The following EVL variants were observed in gnomAD, a reference collection of about 807,000 sequenced individuals.
EVL encodes the protein ena/VASP-like protein.
EVL carries 21 observed loss-of-function variants against 59.6 expected under a neutral mutation model. The observed-to-expected ratio is 0.35, with a 90% CI of 0.25 to 0.51. The LOEUF (loss-of-function observed/expected upper bound fraction) is 0.51, where lower values mean the gene tolerates loss of function less well. Among genes scored for constraint, EVL ranks in the 20% least tolerant of loss-of-function variants. EVL has a pLI of 0.97. For synonymous variants in EVL, 198 were observed against 203.5 expected (o/e 0.97, Z 0.23); for missense variants, 462 against 546.6 (o/e 0.85, Z 1.54).
At chr14:100,097,444 T>C in intron 2 of EVL, 37 bp from the exon 3 acceptor site, 1 of 1,566,464 alleles carries the variant, frequency 6.4e-7, no homozygotes, top group Non-Finnish European at 8.7e-7. Flanking sequence ...TTACATTTTA[T>C]TTATTTACAC....
At chr14:100,057,999 C>T (rs1482837245) in intron 1 of EVL, among the ~76,000 whole-genome samples, 1 of 152,154 alleles carries the variant, frequency 6.6e-6, no homozygotes. Context: ...CATTATTATA[C>T]AAACATAATT....
chr14:99,981,904 G>A (rs1196548193), intron 1 of EVL, among the ~76,000 whole-genome samples: 1 of 152,210 alleles, frequency 6.6e-6, no homozygotes, highest in Non-Finnish European at 1.5e-5. Context: ...ATGAAACGAG[G>A]TCTGTCTGGA....
chr14:100,043,275 ATGTGTGTGTGTATATATATGTGTG>A (rs1431773489), intron 1 of EVL, among the ~76,000 whole-genome samples: 3 of 148,772 alleles, frequency 2.0e-5, no homozygotes, highest in Non-Finnish European at 4.5e-5. Flanking sequence ...GTATATATAT[ATGTGTGTGTGTATATATATGTGTG>A]TGTGTGTGTG....
rs1886816911 is a variant in EVL, at chr14:100,109,584, C to T, written c.358+11926C>T. ...GTGTGCCTCTCATAGCCTGGCACTT[C>T]CTGCCATTGCATCCTTCTCTGCAGA... On this transcript the variant is annotated intron_variant, in intron 3 of 13. Coordinates refer to ENST00000392920, the MANE Select transcript of EVL (RefSeq NM_016337.3). The surrounding 1 kb of genome is among the most constrained non-coding windows in gnomAD (Gnocchi z 4.3). 1 of 486,124 alleles carries T rather than the reference C, an allele frequency of 2.1e-6. No homozygotes were observed. The highest frequency in any genetic ancestry group is 1.5e-5 in the South Asian group (1 of 65,916). 30.1% of individuals were successfully genotyped at this position (486,124 alleles called of 1,614,324 possible).
chr14:100,074,017 CG>C (rs1367286743), intron 1 of EVL, among the ~76,000 whole-genome samples: 1 of 103,436 alleles, frequency 9.7e-6, no homozygotes, highest in Non-Finnish European at 1.9e-5. Context: ...GCGGTGGGGG[CG>C]GGGGGTCGGG....
rs76933596 is a variant in EVL, at chr14:99,972,763, C to T, written c.5+706C>T. Among the ~76,000 whole-genome samples, 1,079 of 152,222 alleles carry T rather than the reference C, an allele frequency of 7.1e-3. 14 individuals are homozygous for T. The highest frequency in any genetic ancestry group is 0.024 in the African/African-American group (979 of 41,542). On this transcript the variant is annotated intron_variant, in intron 1 of 13. Coordinates refer to the EVL transcript ENST00000402714. This position sits in a 1 kb window ranked among gnomAD's most constrained non-coding sequence, Gnocchi z 4.4. ...TCTCCCAGTCGCTAAACCCTCCCTT[C>T]CTCTCCAGATCCTGTCGTGACTTTT...
chr14:100,001,335 T>C (rs950547120), intron 1 of EVL, among the ~76,000 whole-genome samples: 2 of 152,160 alleles, frequency 1.3e-5, no homozygotes, highest in African/African-American at 4.8e-5. Flanking sequence ...CAGGAAAAAT[T>C]AGAATTCAGC....
intron 1 of EVL, 137 bp downstream of exon 1, chr14:100,065,648 G>T: frequency 2.4e-6 from 1 of 417,546 alleles, no homozygotes; most frequent in East Asian, 3.9e-5. Flanking sequence ...AGGGCAGGGG[G>T]CTTACATGAG....
intron 2 of EVL, among the ~76,000 whole-genome samples, chr14:100,093,457 T>C (rs182964113): frequency 2.0e-5 from 3 of 152,282 alleles, no homozygotes; most frequent in African/African-American, 7.2e-5. Context: ...GCTCATTCCT[T>C]GTACCTAGTA....
At chr14:100,029,697 G>A (rs773557062) in intron 1 of EVL, among the ~76,000 whole-genome samples, 3 of 152,138 alleles carry the variant, frequency 2.0e-5, no homozygotes, top group African/African-American at 2.4e-5. Context: ...ATAGGATTGG[G>A]GTGGATGAAA....
intron 1 of EVL, among the ~76,000 whole-genome samples, chr14:100,027,366 T>C (rs1329334900): frequency 6.6e-6 from 1 of 152,188 alleles, no homozygotes; most frequent in Non-Finnish European, 1.5e-5. Context: ...CAAACTGTAT[T>C]TCTGTACCCA....
At chr14:100,022,703 G>T (rs986137856) in intron 1 of EVL, among the ~76,000 whole-genome samples, 5 of 152,072 alleles carry the variant, frequency 3.3e-5, no homozygotes, top group Non-Finnish European at 7.4e-5. Flanking sequence ...TGTTTCCTTG[G>T]CACCTACAAC....
At chr14:99,988,095 TA>T (rs1403913087) in intron 1 of EVL, among the ~76,000 whole-genome samples, 1 of 151,870 alleles carries the variant, frequency 6.6e-6, no homozygotes, top group Non-Finnish European at 1.5e-5. Flanking sequence ...TGTATTTTTT[TA>T]GTAGAGATGG....
intron 1 of EVL, among the ~76,000 whole-genome samples, chr14:100,051,894 T>C (rs551100022): frequency 6.6e-6 from 1 of 152,320 alleles, no homozygotes; most frequent in African/African-American, 2.4e-5. Flanking sequence ...CTCCTCTTAC[T>C]GTACAGAAGA....
chr14:99,987,905 ATTT>A (rs774580760), intron 1 of EVL, among the ~76,000 whole-genome samples: 31 of 103,822 alleles, frequency 3.0e-4, no homozygotes, highest in African/African-American at 1.0e-3. Context: ...AGACAACCCA[ATTT>A]TTTTTTTTTT....
intron 1 of EVL, among the ~76,000 whole-genome samples, chr14:100,000,493 G>A (rs890263305): frequency 2.0e-5 from 3 of 151,988 alleles, no homozygotes; most frequent in African/African-American, 7.2e-5. Flanking sequence ...GACTACAAGC[G>A]CGTGCCATCA....
intron 13 of EVL, among the ~76,000 whole-genome samples, 185 bp from the exon 14 acceptor site, chr14:100,143,516 G>A (rs1404136480): frequency 6.6e-6 from 1 of 152,200 alleles, no homozygotes; most frequent in Non-Finnish European, 1.5e-5. Flanking sequence ...CAGAAGGAAT[G>A]GCAGATGAGA....
chr14:100,027,051 C>T (rs1345227117), intron 1 of EVL, among the ~76,000 whole-genome samples: 1 of 152,128 alleles, frequency 6.6e-6, no homozygotes, highest in Admixed American at 6.5e-5. Flanking sequence ...TGGTGTCCAT[C>T]TGACAAGCCA....
chr14:99,998,820 A>G (rs2060929105), intron 1 of EVL, among the ~76,000 whole-genome samples: 1 of 152,164 alleles, frequency 6.6e-6, no homozygotes, highest in Admixed American at 6.5e-5. Context: ...TCCAAGATAC[A>G]TAATGTTGCC....
Sources: gnomAD v4.1 joint callset for allele counts (sites outside exome capture counted in the v4.1 genomes callset) on GRCh38, gnomAD v4.1.1 for gene constraint, Gnocchi (gnomAD v3.1) non-coding constraint, MANE v1.5 for transcripts, NCBI Gene and HGNC (gene_info 2026-07-23, HGNC 2026-07-21) for gene names.